Variants in PDE4DIP observed in about 807,000 individuals in gnomAD.
PDE4DIP encodes the protein myomegalin.
Under a neutral mutation model 221.4 loss-of-function variants are expected in PDE4DIP, and 59 were observed. The ratio of observed to expected loss-of-function variants is 0.27; its 90% CI spans 0.22 to 0.33. PDE4DIP has a LOEUF of 0.33. PDE4DIP is among the 10% of genes least tolerant of loss of function. The probability of loss-of-function intolerance (pLI) is 1.00; values close to 1 mark genes in which losing one functional copy is unlikely to be tolerated. For missense variants in PDE4DIP, 1,036 were observed against 2,154.2 expected, an observed-to-expected ratio of 0.48 and a Z score of 10.28; for synonymous variants, 404 against 815.9, an observed-to-expected ratio of 0.50 and a Z score of 8.60.
intron 21 of PDE4DIP, chr1:148,982,338 G>A (rs1332201132): frequency 6.6e-6 from 1 of 151,992 alleles, no homozygotes; most frequent in Non-Finnish European, 1.5e-5. Flanking sequence ...GCCAGAAGAG[G>A]GTATTGCTTC....
intron 21 of PDE4DIP, among the ~76,000 whole-genome samples, chr1:148,987,038 T>G (rs781859303): frequency 6.6e-6 from 1 of 152,134 alleles, no homozygotes; most frequent in African/African-American, 2.4e-5. Context: ...AGAAACTCTT[T>G]CCAGAATTTT....
chr1:148,877,079 C>A (rs1553419704), intron 3 of PDE4DIP, among the ~76,000 whole-genome samples: 1 of 145,842 alleles, frequency 6.9e-6, no homozygotes, highest in Non-Finnish European at 1.5e-5. Context: ...TTCTCTATAC[C>A]AATACAATAT....
chr1:149,010,560 A>G (rs2152561860), exon 31 of PDE4DIP: 1 of 1,614,128 alleles, frequency 6.2e-7, no homozygotes, highest in Non-Finnish European at 8.5e-7. Flanking sequence ...CCAACTCCCC[A>G]GAATACCCCC....
chr1:149,028,675 C>T (rs782168860), exon 41 of PDE4DIP: 1 of 1,599,638 alleles, frequency 6.3e-7, no homozygotes, highest in Non-Finnish European at 8.5e-7. Context: ...CTGCCAAGCA[C>T]CCACATCCCT....
chr1:149,017,058 CTG>C (rs1328872502), intron 33 of PDE4DIP, among the ~76,000 whole-genome samples: 2 of 151,860 alleles, frequency 1.3e-5, no homozygotes, highest in African/African-American at 2.4e-5. Flanking sequence ...CAGGAAAAGA[CTG>C]AGCCCAAAGC....
chr1:148,859,246 CA>C (rs1682905818), intron 1 of PDE4DIP, among the ~76,000 whole-genome samples: 2 of 140,432 alleles, frequency 1.4e-5, no homozygotes, highest in African/African-American at 5.2e-5. Context: ...TCAACTTAAT[CA>C]CCCTGGAAAG....
intron 1 of PDE4DIP, among the ~76,000 whole-genome samples, chr1:148,815,329 T>C (rs1443226838): frequency 7.0e-6 from 1 of 142,244 alleles, no homozygotes; most frequent in East Asian, 2.0e-4. Flanking sequence ...GGCACGCAGA[T>C]CACGAGGTCA....
At chr1:149,010,639 C>G in intron 31 of PDE4DIP, 44 bp downstream of exon 34, 4 of 1,597,312 alleles carry the variant, frequency 2.5e-6, no homozygotes, top group Non-Finnish European at 3.4e-6. Flanking sequence ...TCCTCTTTCT[C>G]TGCTGCCTGT....
chr1:149,012,764 C>G (rs782481411), exon 32 of PDE4DIP: 1 of 1,605,728 alleles, frequency 6.2e-7, no homozygotes, highest in Non-Finnish European at 8.5e-7. Flanking sequence ...GCTGCAGAAG[C>G]AGTTGGGAGA....
chr1:148,971,684 T>C (rs587605473), intron 14 of PDE4DIP, among the ~76,000 whole-genome samples: 6 of 151,982 alleles, frequency 3.9e-5, no homozygotes, highest in Non-Finnish European at 8.8e-5. Flanking sequence ...CAAAACATAT[T>C]CATCTTATAC....
chr1:149,009,531 C>T (rs782085109), intron 29 of PDE4DIP, 37 bp from the exon 33 acceptor site: 2 of 1,427,198 alleles, frequency 1.4e-6, no homozygotes, highest in East Asian at 4.7e-5. Flanking sequence ...GCTTCGGTGA[C>T]CTTGGTTTTA....
chr1:149,004,075 C>T (rs587669360), intron 26 of PDE4DIP, among the ~76,000 whole-genome samples: 36 of 152,230 alleles, frequency 2.4e-4, no homozygotes, highest in African/African-American at 8.7e-4. Context: ...CCACCCACCA[C>T]ATTGAAAACC....
At chr1:148,964,308 A>G (rs2057732645) in intron 9 of PDE4DIP, among the ~76,000 whole-genome samples, 1 of 151,450 alleles carries the variant, frequency 6.6e-6, no homozygotes. Context: ...GGGTTTCTCC[A>G]TGTTGGTCAG....
intron 1 of PDE4DIP, among the ~76,000 whole-genome samples, chr1:148,859,746 C>T (rs1397443757): frequency 2.9e-5 from 4 of 137,732 alleles, no homozygotes; most frequent in Admixed American, 2.1e-4. Flanking sequence ...AAATTTTTTT[C>T]TGAACTTGGG....
chr1:148,919,779 C>T (rs1347902551), intron 1 of PDE4DIP, among the ~76,000 whole-genome samples: 3 of 150,608 alleles, frequency 2.0e-5, no homozygotes, highest in Non-Finnish European at 4.4e-5. Context: ...TTTTGAAACT[C>T]TTCCTCCTGC....
intron 37 of PDE4DIP, among the ~76,000 whole-genome samples, chr1:149,022,676 CAG>C (rs1336058407): frequency 2.0e-5 from 3 of 151,390 alleles, no homozygotes; most frequent in Non-Finnish European, 2.9e-5. Flanking sequence ...GATGGTGGAG[CAG>C]AGTCACCAAA....
chr1:148,948,752 CTA>C (rs1449653201), intron 5 of PDE4DIP, among the ~76,000 whole-genome samples: 10 of 151,244 alleles, frequency 6.6e-5, no homozygotes, highest in African/African-American at 2.2e-4. Context: ...TTCTATACAC[CTA>C]TGTTATCTTC....
chr1:148,979,702 A>G (rs1553540485), intron 19 of PDE4DIP, 35 bp from the exon 23 acceptor site: 3 of 1,591,274 alleles, frequency 1.9e-6, no homozygotes, highest in South Asian at 1.1e-5. Flanking sequence ...TCACTGTGCC[A>G]TTTGCGTATT....
chr1:148,939,879 CATAAA>C (rs2050146198), intron 5 of PDE4DIP: 1 of 152,018 alleles, frequency 6.6e-6, no homozygotes. Context: ...CTTCCATATA[CATAAA>C]ATGAGAAGAT....
Sources: gnomAD v4.1 joint callset for allele counts (sites outside exome capture counted in the v4.1 genomes callset) on GRCh38, gnomAD v4.1.1 for gene constraint, MANE v1.5 for transcripts, NCBI Gene and HGNC (gene_info 2026-07-23, HGNC 2026-07-21) for gene names.